ULK4: variants seen among roughly 807,000 people sequenced by gnomAD.
ULK4 encodes unc-51 like kinase 4.
ULK4 carries 133 observed loss-of-function variants against 160.6 expected under a neutral mutation model. That is an observed-to-expected ratio of 0.83 (90% CI 0.72 to 0.96). The LOEUF (loss-of-function observed/expected upper bound fraction) is 0.96, where lower values mean the gene tolerates loss of function less well. ULK4 is among the 40% of genes least tolerant of loss of function. The pLI is 0.00. For synonymous variants in ULK4, 534 were observed against 539.8 expected, an observed-to-expected ratio of 0.99 and a Z score of 0.15; for missense variants, 1,580 against 1,499.5, an observed-to-expected ratio of 1.05 and a Z score of -0.89.
At chr3:41,428,092 T>C (rs1396171678) in intron 34 of ULK4, among the ~76,000 whole-genome samples, 1 of 152,148 alleles carries the variant, frequency 6.6e-6, no homozygotes, top group Non-Finnish European at 1.5e-5. Flanking sequence ...AAAGTCAATA[T>C]GCAAAAATCA....
chr3:41,663,186 A>G (rs1186691224), intron 30 of ULK4, among the ~76,000 whole-genome samples: 2 of 152,040 alleles, frequency 1.3e-5, no homozygotes, highest in East Asian at 1.9e-4. Flanking sequence ...ACACCATTGC[A>G]CTACAGCCTG....
chr3:41,630,783 A>C (rs972514664), intron 30 of ULK4, among the ~76,000 whole-genome samples: 7 of 152,142 alleles, frequency 4.6e-5, no homozygotes, highest in Non-Finnish European at 8.8e-5. Flanking sequence ...AAAGTAATGC[A>C]TATTTGGTTC....
chr3:41,808,943 C>T (rs1325954265), intron 19 of ULK4, among the ~76,000 whole-genome samples: 3 of 151,956 alleles, frequency 2.0e-5, no homozygotes, highest in Non-Finnish European at 2.9e-5. Flanking sequence ...CTGAGGCGGG[C>T]GGATCACGAG....
intron 32 of ULK4, among the ~76,000 whole-genome samples, chr3:41,548,023 C>G (rs966274597): frequency 3.9e-5 from 6 of 152,140 alleles, no homozygotes; most frequent in Non-Finnish European, 7.4e-5. Flanking sequence ...TGCATACTTG[C>G]AAGTGTGTTC....
intron 34 of ULK4, among the ~76,000 whole-genome samples, chr3:41,398,687 T>C (rs892894400): frequency 2.0e-5 from 3 of 151,896 alleles, no homozygotes; most frequent in Non-Finnish European, 4.4e-5. Flanking sequence ...CCACTGCGCC[T>C]GGCCTAAATA....
intron 12 of ULK4, among the ~76,000 whole-genome samples, chr3:41,902,364 G>A (rs756608451): frequency 6.6e-6 from 1 of 152,036 alleles, no homozygotes; most frequent in Non-Finnish European, 1.5e-5. Context: ...CACATCACGA[G>A]GTCAGGAGTT....
intron 7 of ULK4, among the ~76,000 whole-genome samples, chr3:41,916,457 T>C (rs1445250771): frequency 2.6e-5 from 4 of 152,052 alleles, no homozygotes; most frequent in East Asian, 1.9e-4. Flanking sequence ...GGCACCATCA[T>C]GGTTCACTCC....
chr3:41,551,526 T>C (rs548179615), intron 32 of ULK4, among the ~76,000 whole-genome samples: 23 of 151,406 alleles, frequency 1.5e-4, no homozygotes, highest in Middle Eastern at 6.8e-3. Flanking sequence ...CTAGAGAAAA[T>C]AGACAAATTC....
chr3:41,356,982 T>G (rs752312377), intron 35 of ULK4, among the ~76,000 whole-genome samples: 2 of 152,140 alleles, frequency 1.3e-5, no homozygotes, highest in African/African-American at 4.8e-5. Context: ...AAAGGTATGA[T>G]AGTGAGTCAC....
chr3:41,554,326 G>A (rs1188034429), intron 32 of ULK4, among the ~76,000 whole-genome samples: 1 of 152,112 alleles, frequency 6.6e-6, no homozygotes, highest in Non-Finnish European at 1.5e-5. Flanking sequence ...CAGATGAATG[G>A]ATAAAGATAA....
chr3:41,259,313 C>CA (rs944751189), intron 35 of ULK4, among the ~76,000 whole-genome samples: 4 of 152,148 alleles, frequency 2.6e-5, no homozygotes, highest in African/African-American at 9.7e-5. Context: ...TGGTTTTAAA[C>CA]ACAACACCCT....
intron 22 of ULK4, among the ~76,000 whole-genome samples, chr3:41,722,124 T>C (rs76820680): frequency 0.029 from 4,356 of 152,234 alleles, 205 homozygotes; most frequent in African/African-American, 0.1. Flanking sequence ...AGGATGTAAA[T>C]GAATGCGGTA....
intron 31 of ULK4, among the ~76,000 whole-genome samples, chr3:41,577,863 C>G (rs1054091219): frequency 2.0e-5 from 3 of 152,116 alleles, no homozygotes; most frequent in Non-Finnish European, 4.4e-5. Context: ...AGCCAAAAGG[C>G]CAAGAAGAGA....
intron 22 of ULK4, among the ~76,000 whole-genome samples, chr3:41,735,780 G>A (rs1012319561): frequency 2.0e-5 from 3 of 151,078 alleles, no homozygotes; most frequent in Non-Finnish European, 4.4e-5. Context: ...CATATGTCAT[G>A]TTGGTGTGCT....
intron 17 of ULK4, chr3:41,854,973 A>C (rs1387520840): frequency 3.5e-5 from 5 of 142,560 alleles, no homozygotes; most frequent in Non-Finnish European, 6.0e-5. Context: ...AAAAAAAAAA[A>C]AACTATCGGG....
intron 32 of ULK4, among the ~76,000 whole-genome samples, chr3:41,469,633 T>TA (rs1187783375): frequency 4.8e-5 from 4 of 83,036 alleles, no homozygotes; most frequent in Non-Finnish European, 1.0e-4. Context: ...AAAAACACCT[T>TA]AAAAGCCTAA....
intron 35 of ULK4, among the ~76,000 whole-genome samples, chr3:41,350,556 G>A (rs1348928920): frequency 6.6e-6 from 1 of 152,162 alleles, no homozygotes; most frequent in Non-Finnish European, 1.5e-5. Flanking sequence ...AGGAGTGTGT[G>A]GGTGTGTTTT....
At chr3:41,550,767 T>C (rs1438906255) in intron 32 of ULK4, among the ~76,000 whole-genome samples, 1 of 152,052 alleles carries the variant, frequency 6.6e-6, no homozygotes, top group Non-Finnish European at 1.5e-5. Flanking sequence ...ATTTAAACTG[T>C]ATTTTAGATC....
chr3:41,279,267 A>G (rs1216415644), intron 35 of ULK4, among the ~76,000 whole-genome samples: 2 of 145,046 alleles, frequency 1.4e-5, no homozygotes, highest in African/African-American at 5.4e-5. Context: ...AAAAAAAAAA[A>G]AAAAAAAACA....
Sources: allele counts gnomAD v4.1 joint callset (sites outside exome capture counted in the v4.1 genomes callset), GRCh38; gene constraint gnomAD v4.1.1; transcripts MANE v1.5; gene names NCBI Gene and HGNC (gene_info 2026-07-23, HGNC 2026-07-21).